The following ACTR5 variants were observed in gnomAD, a reference collection of about 807,000 sequenced individuals.
ACTR5 encodes actin-related protein 5.
ACTR5 carries 43 observed loss-of-function variants against 61.2 expected under a neutral mutation model. That is an observed-to-expected ratio of 0.70 (90% CI 0.55 to 0.91). The LOEUF is 0.91. Ranked by LOEUF, ACTR5 falls within the 40% of genes least tolerant of loss-of-function variation. The pLI is 0.00. For synonymous variants in ACTR5, 333 were observed against 310.5 expected, an observed-to-expected ratio of 1.07 and a Z score of -0.76; for missense variants, 798 against 782.2, an observed-to-expected ratio of 1.02 and a Z score of -0.24.
rs1341529768 is a variant in ACTR5 at position 38,755,171 on chromosome 20, G to A, written c.990G>A (p.Val330=). ...AGCGTCTGGACCGACTGCTATATGT[G>A]CAGGTAATAGCAGACACAGGGACGG... The part of the protein sequence containing the change: ...DQERLDRLLY[V]QELLEDGQMD... Residue 330 remains valine, a synonymous_variant, in exon 4 of 9, where the codon GTG becomes GTA. Coordinates refer to ENST00000243903, the MANE Select transcript of ACTR5 (RefSeq NM_024855.4). 4.4e-6 allele frequency: 7 copies of A among 1,594,390 alleles called. No homozygotes were observed. The highest frequency in any genetic ancestry group is 6.0e-6 in the Non-Finnish European group (7 of 1,169,968).
chr20:38,752,436 A>C, intron 3 of ACTR5, 136 bp downstream of exon 3: 1 of 1,024,768 alleles, frequency 9.8e-7, no homozygotes, highest in East Asian at 2.7e-5. Context: ...TTCTTAAACT[A>C]TTCAGTAAAC....
rs1568637441 is a variant in ACTR5 at position 38,764,832 on chromosome 20, G to A, written c.1177-570G>A. Among the ~76,000 whole-genome samples, 3 of 152,170 alleles carry A rather than the reference G, an allele frequency of 2.0e-5. No individual in the cohort carries two copies. In the South Asian group the frequency reaches 6.2e-4, roughly 32 times the overall value. ...CTGTAGGTGCTCACCACCACGCCCA[G>A]CTAATGTTTGTATTTTTTGTAGAGA... On this transcript the variant is annotated intron_variant, in intron 5 of 8. Coordinates refer to ENST00000243903, the MANE Select transcript of ACTR5 (RefSeq NM_024855.4).
intron 8 of ACTR5, among the ~76,000 whole-genome samples, chr20:38,770,764 C>T (rs11699516): frequency 0.071 from 10,765 of 152,278 alleles, 540 homozygotes; most frequent in South Asian, 0.23. Flanking sequence ...CCCTTGCCCA[C>T]GTGGCAAGCC....
At chr20:38,762,618 T>C (rs767584817) in intron 5 of ACTR5, among the ~76,000 whole-genome samples, 1 of 152,198 alleles carries the variant, frequency 6.6e-6, no homozygotes, top group Non-Finnish European at 1.5e-5. Context: ...TCCTTTAGAC[T>C]GCAGGCTTAC....
At chr20:38,767,372 T>A (rs1353895019) in intron 7 of ACTR5, 92 bp from the exon 8 acceptor site, 4 of 1,154,348 alleles carry the variant, frequency 3.5e-6, no homozygotes, top group Non-Finnish European at 2.3e-6. Context: ...TAGAAGTTTT[T>A]CTGTTTTGTA....
At chr20:38,765,580 C>A (rs750493797) in intron 6 of ACTR5, 62 bp downstream of exon 6, 11 of 1,368,462 alleles carry the variant, frequency 8.0e-6, no homozygotes, top group Non-Finnish European at 1.0e-5. Flanking sequence ...AATGGCTGGG[C>A]TAGTCTGTTT....
intron 8 of ACTR5, among the ~76,000 whole-genome samples, chr20:38,769,076 TC>T (rs1025650780): frequency 4.6e-5 from 7 of 152,202 alleles, no homozygotes; most frequent in Admixed American, 3.3e-4. Context: ...CAGGGTTCTC[TC>T]ATCATTCCCC....
In ACTR5 at chr20:38,771,202, G is replaced by A. The variant is rs143324944; in HGVS notation, c.1567-357G>A. 7.3e-3 allele frequency among the ~76,000 whole-genome samples: 1,118 copies of A among 152,304 alleles called. 11 individuals carry two copies. Among genetic ancestry groups the A allele is most frequent in the Middle Eastern group, 0.041 (12 of 294 alleles). The stretch of plus-strand genomic sequence containing the variant: ...TTTCCCTCTACTCAGAGTGGGGAGC[G>A]GGGCCAGGAAGGCCTTTTCCCCAGG... On this transcript the variant is annotated intron_variant, in intron 8 of 8. Coordinates refer to ENST00000243903, the MANE Select transcript of ACTR5 (RefSeq NM_024855.4).
At chr20:38,766,856 A>G (rs558508664) in intron 7 of ACTR5, among the ~76,000 whole-genome samples, 2 of 152,290 alleles carry the variant, frequency 1.3e-5, no homozygotes, top group African/African-American at 4.8e-5. Context: ...AAGTTGGGCA[A>G]GTAGAGAATG....
At chr20:38,765,251 T>G (rs2084479059) in intron 5 of ACTR5, 151 bp from the exon 6 acceptor site, 1 of 624,540 alleles carries the variant, frequency 1.6e-6, no homozygotes, top group Non-Finnish European at 2.8e-6. Context: ...CATGTGTGCT[T>G]TTTTAAAAAT....
rs1258726683 is a variant in ACTR5 at position 38,756,023 on chromosome 20, T to C, written c.1160T>C (p.Val387Ala). ...GAAGTCAACCTCGAGGTGGATGTGG[T>C]AGACAGCAAGCCAGAGGTAACTTAG... The part of the protein sequence containing the change: ...QAEVNLEVDV[V>A]DSKPETPDLE... Residue 387 changes from valine (V) to alanine (A), a missense_variant, in exon 5 of 9, where the codon GTA becomes GCA. Physicochemically the swap from Val to Ala is moderately conservative, Grantham distance 64. Coordinates refer to ENST00000243903, the MANE Select transcript of ACTR5 (RefSeq NM_024855.4). 1 of 1,612,778 alleles carries C rather than the reference T, an allele frequency of 6.2e-7. No homozygotes were observed.
At position 38,771,831 on chromosome 20, in the gene ACTR5, A is replaced by G; in HGVS notation, c.*15A>G. On this transcript the variant is annotated 3_prime_UTR_variant, in exon 9 of 9. Coordinates refer to ENST00000243903, the MANE Select transcript of ACTR5 (RefSeq NM_024855.4). ...AGCAGGCATAGCAGAGGCCCTCCAG[A>G]GAGACTGCCCTGCACGCCATGCCTT... 6.2e-7 allele frequency: 1 copy of G among 1,605,508 alleles called. No homozygotes were observed. Among genetic ancestry groups the G allele is most frequent in the East Asian group, 2.2e-5 (1 of 44,720 alleles).
In ACTR5 at chr20:38,748,714, A is replaced by G; in HGVS notation, c.236A>G (p.Gln79Arg). 2 of 1,539,592 alleles carry G rather than the reference A, an allele frequency of 1.3e-6. No homozygotes were observed. The highest frequency in any genetic ancestry group is 1.4e-5 in the African/African-American group (1 of 70,398). ...GGGGCACGGGGCGCGTCGGGCCCGCAGGTGGGGAACGCTCTGGGCAGCCTG... is the reference window on the plus strand; with the variant it reads ...GGGGCACGGGGCGCGTCGGGCCCGCGGGTGGGGAACGCTCTGGGCAGCCTG... ...RGGARGASGP[Q>R]VGNALGSLEP... The change falls in exon 1 of 9, where the codon CAG becomes CGG. Residue 79 changes from glutamine (Q) to arginine (R), a missense_variant. Transcript: ENST00000243903.
Position 38,748,546 on chromosome 20 carries a change from C to A in ACTR5, c.68C>A (p.Pro23Gln), listed in dbSNP as rs919739628. 6.6e-7 allele frequency: 1 copy of A among 1,510,884 alleles called. No homozygotes were observed. The highest frequency in any genetic ancestry group is 8.8e-7 in the Non-Finnish European group (1 of 1,133,902). 93.6% of individuals were successfully genotyped at this position (1,510,884 alleles called of 1,614,324 possible). A position where few individuals can be genotyped will look rare whatever the true frequency, so the allele number is the denominator to read the frequency against. The change falls in exon 1 of 9, where the codon CCG becomes CAG. Residue 23 changes from proline (P) to glutamine (Q), a missense_variant. Pro to Gln is a moderately conservative substitution (Grantham distance 76). Coordinates refer to ENST00000243903, the MANE Select transcript of ACTR5 (RefSeq NM_024855.4). ...CCGGACCCAGTGCTGGAGGCCGGCC[C>A]GGTGGCACACGGGCCACTGCCGGTA... is the stretch of plus-strand genomic sequence containing the variant. Reference protein sequence around the residue: ...AAPDPVLEAGPVAHGPLPVPL... With the variant: ...AAPDPVLEAGQVAHGPLPVPL...
In ACTR5 at chr20:38,750,170, C is replaced by G. The variant is rs761853960; in HGVS notation, c.536C>G (p.Ser179Trp). 1 of 1,614,180 alleles carries G rather than the reference C, an allele frequency of 6.2e-7. No homozygotes were observed. The highest frequency in any genetic ancestry group is 1.1e-5 in the South Asian group (1 of 91,082). ...TTCTACCACAATAAGCCAAAGAACT[C>G]GATGTGCAGTGGGCTAATCATTTCA... ...FSFYHNKPKNSMCSGLIISSG... is the reference protein window; with the variant it reads ...FSFYHNKPKNWMCSGLIISSG... The change falls in exon 2 of 9, where the codon TCG (serine) becomes TGG (tryptophan). Residue 179 changes from serine to tryptophan, a missense_variant. Physicochemically the swap from Ser to Trp is radical, Grantham distance 177. Coordinates refer to ENST00000243903, the MANE Select transcript of ACTR5 (RefSeq NM_024855.4).
Position 38,756,044 on chromosome 20 carries a change from C to T in ACTR5, c.1176+5C>T, listed in dbSNP as rs1424734323. 7 of 1,609,150 alleles carry T rather than the reference C, an allele frequency of 4.4e-6. No individual in the cohort carries two copies. Among genetic ancestry groups the T allele is most frequent in the Non-Finnish European group, 5.9e-6 (7 of 1,178,666 alleles). ...GTGGTAGACAGCAAGCCAGAGGTAA[C>T]TTAGGGCCTTGGAAGGAGCAGCCCT... On this transcript the variant is annotated splice_donor_5th_base_variant and intron_variant, in intron 5 of 8. Transcript: ENST00000243903.
chr20:38,771,985 C>T lies in ACTR5; in HGVS notation c.*169C>T. 1 of 972,004 alleles carries T rather than the reference C, an allele frequency of 1.0e-6. No individual in the cohort carries two copies. The allele number at this position is 972,004 out of a possible 1,614,324, so 60.2% of individuals were successfully genotyped here. A position where few individuals can be genotyped will look rare whatever the true frequency, so the allele number is the denominator to read the frequency against. On this transcript the variant is annotated 3_prime_UTR_variant, in exon 9 of 9. Transcript: ENST00000243903. ...AAGTTAAGGGACACTGAGACCTGCC[C>T]TTCAGAATTCGGTTCACTTGGGGGC...
At chr20:38,752,103 A>C (rs201775607) in intron 2 of ACTR5, 28 bp from the exon 3 acceptor site, 1 of 1,598,280 alleles carries the variant, frequency 6.3e-7, no homozygotes, top group Non-Finnish European at 8.6e-7. Flanking sequence ...CAGAAATTTC[A>C]GTGCTGTTTT....
At chr20:38,752,422 C>A in intron 3 of ACTR5, 122 bp downstream of exon 3, 1 of 1,127,642 alleles carries the variant, frequency 8.9e-7, no homozygotes, top group Non-Finnish European at 1.2e-6. Context: ...TTTTTGTATT[C>A]CCTTTCTTAA....
Sources: gnomAD v4.1 joint callset for allele counts (sites outside exome capture counted in the v4.1 genomes callset) on GRCh38, gnomAD v4.1.1 for gene constraint, MANE v1.5 for transcripts, NCBI Gene and HGNC (gene_info 2026-07-23, HGNC 2026-07-21) for gene names.